Variants in ZNF737 observed in about 807,000 individuals in gnomAD.
ZNF737 encodes the protein zinc finger protein 102 (Y3).
Under a neutral mutation model 11.7 loss-of-function variants are expected in ZNF737, and 13 were observed. The ratio of observed to expected loss-of-function variants is 1.11; its 90% CI spans 0.73 to 1.77. The LOEUF is 1.77. ZNF737 is among the 40% of genes most tolerant of loss of function. The pLI is 0.00. For synonymous variants in ZNF737, 217 were observed against 216.2 expected, an observed-to-expected ratio of 1.00 and a Z score of -0.03; for missense variants, 636 against 638.0, an observed-to-expected ratio of 1.00 and a Z score of 0.03.
At chr19:20,546,738 G>T (rs1274645708) in intron 3 of ZNF737, among the ~76,000 whole-genome samples, 1 of 152,090 alleles carries the variant, frequency 6.6e-6, no homozygotes, top group Non-Finnish European at 1.5e-5. Context: ...CAATTATCCA[G>T]ACATGGTAGT....
At chr19:20,561,779 C>T (rs1969108215) in intron 1 of ZNF737, among the ~76,000 whole-genome samples, 1 of 151,798 alleles carries the variant, frequency 6.6e-6, no homozygotes, top group Admixed American at 6.6e-5. Context: ...CAATCACAAA[C>T]CCCATGGGCT....
At chr19:20,557,045 TAGAA>T (rs1293485847) in intron 1 of ZNF737, among the ~76,000 whole-genome samples, 11 of 152,214 alleles carry the variant, frequency 7.2e-5, no homozygotes, top group Non-Finnish European at 1.0e-4. Flanking sequence ...ATGAAAGAGA[TAGAA>T]AGAAAGAGGT....
At chr19:20,564,578 A>G (rs1367570585) in intron 1 of ZNF737, among the ~76,000 whole-genome samples, 11 of 148,954 alleles carry the variant, frequency 7.4e-5, no homozygotes, top group African/African-American at 2.7e-4. Flanking sequence ...CTTGAACCTG[A>G]GAGGCGGAGG....
Position 20,544,090 on chromosome 19 carries a change from T to C in ZNF737, c.*502A>G, listed in dbSNP as rs1193767351. The C allele has an allele frequency of 7.3e-6, 7 of 964,580 alleles. No homozygotes were observed. The Admixed American group carries it at 3.3e-4, about 45-fold the overall frequency. 59.8% of individuals were successfully genotyped at this position (964,580 alleles called of 1,614,324 possible). On this transcript the variant is annotated 3_prime_UTR_variant, in exon 4 of 4. Coordinates refer to ENST00000427401, the MANE Select transcript of ZNF737 (RefSeq NM_001159293.2). ...TTGCAGTGAGCCGAGATCATGGCAC[T>C]GTACTCCAGCTTGGATGACAAGCAT... is the stretch of plus-strand genomic sequence containing the variant.
chr19:20,549,651 C>T (rs782151995), intron 3 of ZNF737, among the ~76,000 whole-genome samples: 4 of 151,772 alleles, frequency 2.6e-5, no homozygotes, highest in African/African-American at 7.3e-5. Context: ...ATTGTCAGGC[C>T]GGGCACAGTG....
chr19:20,539,051 T>G lies in ZNF737; in HGVS notation c.*5541A>C. ...TGGCTCATGCCTGTAATCCCAGCAC[T>G]CTGGGAGGCTGAGGTGGATGGATCA... On this transcript the variant is annotated 3_prime_UTR_variant, in exon 4 of 4. Transcript: ENST00000427401. 1.1e-6 allele frequency: 1 copy of G among 938,040 alleles called. No individual in the cohort carries two copies. The highest frequency in any genetic ancestry group is 1.3e-6 in the Non-Finnish European group (1 of 786,888). The allele number at this position is 938,040 out of a possible 1,614,324, so 58.1% of individuals were successfully genotyped here.
chr19:20,532,062 C>T (rs1555752998), downstream of ZNF737, among the ~76,000 whole-genome samples: 2 of 150,040 alleles, frequency 1.3e-5, no homozygotes, highest in Non-Finnish European at 3.0e-5. Context: ...AAAGGCAGGC[C>T]ACAGAAATAA....
rs1228048305 is a variant in ZNF737 at position 20,539,011 on chromosome 19, T to C, written c.*5581A>G. 1.0e-6 allele frequency: 1 copy of C among 985,268 alleles called. No individual in the cohort carries two copies. Among genetic ancestry groups the C allele is most frequent in the Non-Finnish European group, 1.2e-6 (1 of 829,922 alleles). The allele number at this position is 985,268 out of a possible 1,614,324, so 61.0% of individuals were successfully genotyped here. A position where few individuals can be genotyped will look rare whatever the true frequency, so the allele number is the denominator to read the frequency against. On this transcript the variant is annotated 3_prime_UTR_variant, in exon 4 of 4. Coordinates refer to ENST00000427401, the MANE Select transcript of ZNF737 (RefSeq NM_001159293.2). The stretch of plus-strand genomic sequence containing the variant: ...GCATTTTCCTGCCTACCAAAATTAT[T>C]CTGGCTGGGAAAAGTGGCTCATGCC...
At chr19:20,531,378 TA>T (rs1402275140), downstream of ZNF737, among the ~76,000 whole-genome samples, 13 of 150,038 alleles carry the variant, frequency 8.7e-5, no homozygotes, top group African/African-American at 3.2e-4. Flanking sequence ...ATGGTGTATC[TA>T]TTAACATTTA....
intron 3 of ZNF737, among the ~76,000 whole-genome samples, chr19:20,548,939 G>GA (rs34756577): frequency 0.46 from 51,695 of 111,904 alleles, 10,569 homozygotes; most frequent in Admixed American, 0.53. Flanking sequence ...GTGTTTTTAA[G>GA]CAATTTTTTT....
intron 3 of ZNF737, among the ~76,000 whole-genome samples, chr19:20,546,658 TC>T (rs1555757135): frequency 6.6e-6 from 1 of 152,168 alleles, no homozygotes; most frequent in Admixed American, 6.5e-5. Flanking sequence ...CTTTGGGAGA[TC>T]CACTGGGGCC....
Position 20,540,935 on chromosome 19 carries a change from T to C in ZNF737, c.*3657A>G, listed in dbSNP as rs1968179033. On this transcript the variant is annotated 3_prime_UTR_variant, in exon 4 of 4. Transcript: ENST00000427401. ...ACACACACATAGAACAATAAAAATA[T>C]ATCCAATTATTCAATTTTGGTTGAA... 1 of 973,762 alleles carries C rather than the reference T, an allele frequency of 1.0e-6. No homozygotes were observed. Among genetic ancestry groups the C allele is most frequent in the African/African-American group, 1.8e-5 (1 of 57,018 alleles). 60.3% of individuals were successfully genotyped at this position (973,762 alleles called of 1,614,324 possible). A position where few individuals can be genotyped will look rare whatever the true frequency, so the allele number is the denominator to read the frequency against.
At position 20,541,266 on chromosome 19, in the gene ZNF737, A is replaced by G; in HGVS notation, c.*3326T>C. 3.0e-6 allele frequency: 3 copies of G among 984,722 alleles called. No homozygotes were observed. Among genetic ancestry groups the G allele is most frequent in the Non-Finnish European group, 3.6e-6 (3 of 829,288 alleles). 61.0% of individuals were successfully genotyped at this position (984,722 alleles called of 1,614,324 possible). ...ATATGTACAAACCTATACTCACACAAAAACACTCAATTCATAATTTTCTTA... is the reference window on the plus strand; with the variant it reads ...ATATGTACAAACCTATACTCACACAGAAACACTCAATTCATAATTTTCTTA... On this transcript the variant is annotated 3_prime_UTR_variant, in exon 4 of 4. Coordinates refer to ENST00000427401, the MANE Select transcript of ZNF737 (RefSeq NM_001159293.2).
intron 3 of ZNF737, among the ~76,000 whole-genome samples, chr19:20,551,438 A>G (rs1478402339): frequency 1.3e-5 from 2 of 151,144 alleles, no homozygotes; most frequent in Non-Finnish European, 3.0e-5. Context: ...TCAAAAAAAA[A>G]AAAAAAAAAA....
In ZNF737 at chr19:20,539,176, G is replaced by C; in HGVS notation, c.*5416C>G. 1.6e-6 allele frequency: 1 copy of C among 612,610 alleles called. No individual in the cohort carries two copies. Among genetic ancestry groups the C allele is most frequent in the Non-Finnish European group, 2.0e-6 (1 of 489,974 alleles). The allele number at this position is 612,610 out of a possible 1,614,324, so 37.9% of individuals were successfully genotyped here. A position where few individuals can be genotyped will look rare whatever the true frequency, so the allele number is the denominator to read the frequency against. ...ATAATGGCGGGTGCCTGTTATCCCA[G>C]CTACTCAGGAGGCTGAGGCGGAAGA... On this transcript the variant is annotated 3_prime_UTR_variant, in exon 4 of 4. Coordinates refer to ENST00000427401, the MANE Select transcript of ZNF737 (RefSeq NM_001159293.2).
chr19:20,545,393 A>G lies in ZNF737; in HGVS notation c.810T>C (p.Ser270=). Residue 270 remains serine, a synonymous_variant, in exon 4 of 4, where the codon TCT becomes TCC. Transcript: ENST00000427401. ...EECGKAFKRS[S]NLTTHKIIHT... Reference sequence around the variant, plus strand: ...GAATTATCTTATGTGTAGTAAGGTTAGAGGAGCGCTTAAAGGCCTTGCCAC... The same window carrying G: ...GAATTATCTTATGTGTAGTAAGGTTGGAGGAGCGCTTAAAGGCCTTGCCAC... 1 of 1,596,944 alleles carries G rather than the reference A, an allele frequency of 6.3e-7. No homozygotes were observed. The highest frequency in any genetic ancestry group is 8.5e-7 in the Non-Finnish European group (1 of 1,172,962).
downstream of ZNF737, among the ~76,000 whole-genome samples, chr19:20,531,119 TC>T (rs1171777655): frequency 6.9e-6 from 1 of 145,896 alleles, no homozygotes; most frequent in African/African-American, 2.6e-5. Context: ...TCGCAGGCAC[TC>T]GGCAGGCTGA....
At chr19:20,530,347 G>T in the ZNF737 span, among the ~76,000 whole-genome samples, 3 of 143,302 alleles carry the variant, frequency 2.1e-5, no homozygotes, top group Non-Finnish European at 4.6e-5. Context: ...GGGGCAGCTG[G>T]CCGGGCGGGG....
chr19:20,554,386 A>G (rs1968807915), intron 1 of ZNF737, among the ~76,000 whole-genome samples: 1 of 152,244 alleles, frequency 6.6e-6, no homozygotes, highest in African/African-American at 2.4e-5. Flanking sequence ...CCTGTAAACA[A>G]AGATAAGAGT....
Sources: allele counts gnomAD v4.1 joint callset (sites outside exome capture counted in the v4.1 genomes callset), GRCh38; gene constraint gnomAD v4.1.1; transcripts MANE v1.5; gene names NCBI Gene and HGNC (gene_info 2026-07-23, HGNC 2026-07-21).